The following XKR4 variants were observed in gnomAD, a reference collection of about 807,000 sequenced individuals.
XKR4 encodes XK related 4.
A neutral mutation model predicts 53.9 loss-of-function variants in XKR4; 12 were observed. The ratio of observed to expected loss-of-function variants is 0.22; its 90% CI spans 0.14 to 0.36. The LOEUF (loss-of-function observed/expected upper bound fraction) is 0.36. Ranked by LOEUF, XKR4 falls within the 10% of genes least tolerant of loss-of-function variation. XKR4 has a pLI of 1.00. For synonymous variants in XKR4, 354 were observed against 362.4 expected (o/e 0.98, Z 0.26); for missense variants, 799 against 859.5 (o/e 0.93, Z 0.88).
At chr8:55,460,862 C>T (rs1805645553) in intron 2 of XKR4, among the ~76,000 whole-genome samples, 1 of 152,244 alleles carries the variant, frequency 6.6e-6, no homozygotes, top group Non-Finnish European at 1.5e-5. Flanking sequence ...GGTTCCTACG[C>T]CCACAGAGCC....
intron 2 of XKR4, among the ~76,000 whole-genome samples, chr8:55,457,005 A>G (rs1805579087): frequency 9.3e-6 from 1 of 107,432 alleles, no homozygotes; most frequent in South Asian, 3.2e-4. Flanking sequence ...TAGAAATACA[A>G]AGAGAAAATC....
rs183759262 is a variant in XKR4, at chr8:55,372,960, A to T, written c.1006+15083A>T. On this transcript the variant is annotated intron_variant, in intron 2 of 2. Transcript: ENST00000327381. ...GGAGAAGCTGATTCAATTGGTATGTAAACGTTTGTTAGGATAAAATCACAT... is the reference window on the plus strand; with the variant it reads ...GGAGAAGCTGATTCAATTGGTATGTTAACGTTTGTTAGGATAAAATCACAT... Among the ~76,000 whole-genome samples, 339 of 152,298 alleles carry T rather than the reference A, an allele frequency of 2.2e-3. 1 individual carries two copies. Among genetic ancestry groups the T allele is most frequent in the African/African-American group, 7.9e-3 (327 of 41,554 alleles).
At chr8:55,385,908 G>T (rs1244411201) in intron 2 of XKR4, among the ~76,000 whole-genome samples, 2 of 152,112 alleles carry the variant, frequency 1.3e-5, no homozygotes, top group Non-Finnish European at 2.9e-5. Context: ...GTGTTTTATG[G>T]CTCCTAATTC....
At chr8:55,448,945 G>A (rs1805382418) in intron 2 of XKR4, among the ~76,000 whole-genome samples, 1 of 152,056 alleles carries the variant, frequency 6.6e-6, no homozygotes, top group African/African-American at 2.4e-5. Flanking sequence ...TGTGATTGAG[G>A]CCTTACATAT....
chr8:55,518,207 A>G (rs1480593520), intron 2 of XKR4, among the ~76,000 whole-genome samples: 1 of 152,204 alleles, frequency 6.6e-6, no homozygotes, highest in Non-Finnish European at 1.5e-5. Flanking sequence ...ACCACAAACA[A>G]CACAACAGGA....
chr8:55,218,702 A>G (rs1423920698), intron 1 of XKR4, among the ~76,000 whole-genome samples: 1 of 152,238 alleles, frequency 6.6e-6, no homozygotes, highest in African/African-American at 2.4e-5. Context: ...TTCAGTGTTC[A>G]GTCACAAGGC....
intron 2 of XKR4, chr8:55,450,715 C>G (rs972416619): frequency 3.4e-5 from 20 of 584,678 alleles, no homozygotes; most frequent in Middle Eastern, 3.0e-4. Context: ...GAAGCGATGA[C>G]TGAAGGACAG....
intron 2 of XKR4, among the ~76,000 whole-genome samples, chr8:55,412,205 G>C (rs903517525): frequency 6.6e-6 from 1 of 152,102 alleles, no homozygotes; most frequent in Non-Finnish European, 1.5e-5. Context: ...TTTGTGGACT[G>C]AGCCCAAAAC....
chr8:55,533,804 G>A lies in XKR4; in HGVS notation c.*9577G>A, dbSNP rs1015318916. 3 of 152,186 alleles carry A rather than the reference G, an allele frequency of 2.0e-5. No individual in the cohort carries two copies. The highest frequency in any genetic ancestry group is 2.1e-4 in the South Asian group (1 of 4,830). The allele number at this position is 152,186 out of a possible 1,614,324, so 9.4% of individuals were successfully genotyped here. ...CAGTTAGTGAAAAAGGAGCACTTCC[G>A]TTCAGCCGTAGTACCATGACGTGCA... is the stretch of plus-strand genomic sequence containing the variant. On this transcript the variant is annotated 3_prime_UTR_variant, in exon 3 of 3. Transcript: ENST00000327381.
intron 2 of XKR4, among the ~76,000 whole-genome samples, chr8:55,392,122 T>C (rs1804451838): frequency 6.6e-6 from 1 of 152,218 alleles, no homozygotes; most frequent in Non-Finnish European, 1.5e-5. Flanking sequence ...GCTCATGATT[T>C]TTTTCCTGAA....
chr8:55,122,916 G>A (rs775489474), intron 1 of XKR4, among the ~76,000 whole-genome samples: 8 of 152,164 alleles, frequency 5.3e-5, no homozygotes, highest in Non-Finnish European at 1.2e-4. Context: ...TGGAAGGATG[G>A]GTGAAGACGG....
At position 55,377,620 on chromosome 8, in the gene XKR4, AAAGGAGAG is replaced by A. The variant is rs1009618998; in HGVS notation, c.1006+19750_1006+19757del. ...AAAGGGAGGAAGGAAGAAGGAAAGG[AAAGGAGAG>A]AAGGAGGAAGGAAAAAACCTGAACA... On this transcript the variant is annotated intron_variant, in intron 2 of 2. Transcript: ENST00000327381. 7.2e-5 allele frequency among the ~76,000 whole-genome samples: 11 copies of A among 152,304 alleles called. 1 individual carries two copies. In the East Asian group the frequency reaches 1.2e-3, roughly 16 times the overall value.
At chr8:55,375,939 C>T (rs1455644588) in intron 2 of XKR4, among the ~76,000 whole-genome samples, 1 of 152,090 alleles carries the variant, frequency 6.6e-6, no homozygotes, top group Non-Finnish European at 1.5e-5. Flanking sequence ...TCCACGTGTT[C>T]TCATTGTTCA....
intron 1 of XKR4, among the ~76,000 whole-genome samples, chr8:55,283,902 G>T (rs1387781681): frequency 6.6e-6 from 1 of 152,128 alleles, no homozygotes; most frequent in Non-Finnish European, 1.5e-5. Context: ...GGAAGCAATT[G>T]CCCTTTGGTA....
chr8:55,463,022 A>G (rs1262484957), intron 2 of XKR4, among the ~76,000 whole-genome samples: 1 of 152,206 alleles, frequency 6.6e-6, no homozygotes, highest in East Asian at 1.9e-4. Flanking sequence ...ACACTATAAT[A>G]ATGCGAGACT....
At chr8:55,441,018 A>T (rs1805255421) in intron 2 of XKR4, among the ~76,000 whole-genome samples, 1 of 151,296 alleles carries the variant, frequency 6.6e-6, no homozygotes, top group African/African-American at 2.4e-5. Context: ...GCTTGATCCC[A>T]AAAGCTTGAT....
At chr8:55,441,060 T>G (rs1374769817) in intron 2 of XKR4, among the ~76,000 whole-genome samples, 3 of 89,838 alleles carry the variant, frequency 3.3e-5, no homozygotes, top group Admixed American at 1.0e-4. Context: ...ACACCTCATC[T>G]CTACAAAAAA....
At chr8:55,136,471 CA>C (rs1380322678) in intron 1 of XKR4, among the ~76,000 whole-genome samples, 3 of 152,152 alleles carry the variant, frequency 2.0e-5, no homozygotes, top group Admixed American at 2.0e-4. Context: ...CTGTTATGCA[CA>C]TGAGAGTTTT....
At chr8:55,428,967 A>C (rs1286238453) in intron 2 of XKR4, among the ~76,000 whole-genome samples, 1 of 152,242 alleles carries the variant, frequency 6.6e-6, no homozygotes, top group Non-Finnish European at 1.5e-5. Flanking sequence ...AGAATAGCTC[A>C]AACAATTCTG....
Sources: gnomAD v4.1 joint callset for allele counts (sites outside exome capture counted in the v4.1 genomes callset) on GRCh38, gnomAD v4.1.1 for gene constraint, MANE v1.5 for transcripts, NCBI Gene and HGNC (gene_info 2026-07-23, HGNC 2026-07-21) for gene names.